RGS22: variants seen among roughly 807,000 people sequenced by gnomAD.
RGS22 encodes the protein regulator of G-protein signaling 22.
Under a neutral mutation model 172.9 loss-of-function variants are expected in RGS22, and 148 were observed. That is an observed-to-expected ratio of 0.86 (90% CI 0.75 to 0.98). The LOEUF is 0.98. Among genes scored for constraint, RGS22 ranks in the 50% least tolerant of loss-of-function variants. RGS22 has a pLI of 0.00. For missense variants in RGS22, 1,347 were observed against 1,440.8 expected (o/e 0.93, Z 1.05); for synonymous variants, 458 against 480.2 (o/e 0.95, Z 0.60).
intron 10 of RGS22, among the ~76,000 whole-genome samples, chr8:100,048,258 G>T (rs2131645732): frequency 6.6e-6 from 1 of 152,178 alleles, no homozygotes; most frequent in East Asian, 1.9e-4. Context: ...TTACAAAAAT[G>T]ATGACACACA....
chr8:100,067,942 C>T (rs1810660260), intron 6 of RGS22, among the ~76,000 whole-genome samples: 1 of 151,860 alleles, frequency 6.6e-6, no homozygotes. Flanking sequence ...AAGAGATGTG[C>T]CAATTGTTTT....
chr8:100,034,448 G>T (rs574600114), intron 14 of RGS22, among the ~76,000 whole-genome samples: 2 of 152,254 alleles, frequency 1.3e-5, no homozygotes, highest in African/African-American at 4.8e-5. Flanking sequence ...ATAAATCACT[G>T]CTCAACGAAA....
rs1388685171 is a variant in RGS22, at chr8:100,051,703, GTATATATAAA to G, written c.1689+1089_1689+1098del. On this transcript the variant is annotated intron_variant, in intron 10 of 27. Transcript: ENST00000360863. ...TATACATATATATATTTATATATACGTATATATAAATATATATTTATATATACGTATATAT... is the reference window on the plus strand; with the variant it reads ...TATACATATATATATTTATATATACGTATATATTTATATATACGTATATAT... 3.0e-4 allele frequency among the ~76,000 whole-genome samples: 6 copies of G among 20,216 alleles called. 2 individuals are homozygous for G. Among genetic ancestry groups the G allele is most frequent in the African/African-American group, 2.6e-3 (6 of 2,270 alleles). 13.3% of individuals were successfully genotyped at this position (20,216 alleles called of 152,430 possible).
At chr8:100,014,458 A>G (rs1588976192) in intron 14 of RGS22, among the ~76,000 whole-genome samples, 5 of 152,188 alleles carry the variant, frequency 3.3e-5, no homozygotes, top group African/African-American at 1.2e-4. Flanking sequence ...TTCCATGCCA[A>G]TGACAATGAA....
chr8:100,024,243 T>C (rs1431900870), intron 14 of RGS22, among the ~76,000 whole-genome samples: 3 of 152,142 alleles, frequency 2.0e-5, no homozygotes. Flanking sequence ...GGATTACAGG[T>C]GTGAGCCACC....
chr8:100,052,680 A>G, intron 10 of RGS22, 122 bp downstream of exon 10: 1 of 889,914 alleles, frequency 1.1e-6, no homozygotes, highest in Non-Finnish European at 1.7e-6. Context: ...TAAATGTTGC[A>G]GCTTGTACAT....
At chr8:99,965,894 T>A (rs981655594) in intron 23 of RGS22, among the ~76,000 whole-genome samples, 3 of 152,186 alleles carry the variant, frequency 2.0e-5, no homozygotes, top group Non-Finnish European at 4.4e-5. Flanking sequence ...AAAGCTGGAA[T>A]GTATTCTGGG....
intron 14 of RGS22, among the ~76,000 whole-genome samples, chr8:100,030,100 A>G (rs988596630): frequency 6.6e-6 from 1 of 152,218 alleles, no homozygotes; most frequent in African/African-American, 2.4e-5. Context: ...GCTGCATAAA[A>G]TTGTTTCAAT....
chr8:100,088,982 T>C (rs1011763584), intron 3 of RGS22, among the ~76,000 whole-genome samples: 1 of 152,070 alleles, frequency 6.6e-6, no homozygotes, highest in Admixed American at 6.6e-5. Context: ...AAGGTTTACT[T>C]GTTTATATTA....
chr8:100,084,740 A>G (rs1563716906), intron 3 of RGS22, among the ~76,000 whole-genome samples: 1 of 152,226 alleles, frequency 6.6e-6, no homozygotes, highest in Non-Finnish European at 1.5e-5. Context: ...AATTCATTTT[A>G]CCAATAGCAA....
chr8:100,060,100 A>T (rs1228896161), intron 9 of RGS22, among the ~76,000 whole-genome samples: 1 of 152,142 alleles, frequency 6.6e-6, no homozygotes, highest in Non-Finnish European at 1.5e-5. Context: ...CAGATCGATC[A>T]CACTCACATG....
chr8:100,042,198 T>C (rs1820212869), intron 11 of RGS22, among the ~76,000 whole-genome samples: 1 of 152,178 alleles, frequency 6.6e-6, no homozygotes, highest in South Asian at 2.1e-4. Context: ...ATAAATATTT[T>C]GAGAGGGCAA....
At chr8:100,028,872 G>A (rs1818462948) in intron 14 of RGS22, among the ~76,000 whole-genome samples, 1 of 152,168 alleles carries the variant, frequency 6.6e-6, no homozygotes, top group South Asian at 2.1e-4. Flanking sequence ...GGCATAACAT[G>A]TGGCTGCTTC....
At chr8:100,047,421 G>A in intron 11 of RGS22, 42 bp downstream of exon 11, 2 of 1,538,412 alleles carry the variant, frequency 1.3e-6, no homozygotes, top group Non-Finnish European at 1.7e-6. Flanking sequence ...AAAACGCTTA[G>A]TATTGCAGAA....
At chr8:100,017,016 T>A (rs1352661770) in intron 14 of RGS22, among the ~76,000 whole-genome samples, 32 of 95,916 alleles carry the variant, frequency 3.3e-4, no homozygotes, top group East Asian at 1.8e-3. Flanking sequence ...TTTTTTTTTT[T>A]AAACAGGGGC....
chr8:100,039,502 G>T (rs1391236024), intron 13 of RGS22, among the ~76,000 whole-genome samples: 1 of 151,200 alleles, frequency 6.6e-6, no homozygotes, highest in South Asian at 2.1e-4. Flanking sequence ...TCAGCCTCCC[G>T]AGTAGCTGGG....
In RGS22 at chr8:100,062,768, T is replaced by C; in HGVS notation, c.1353-16A>G. 6.3e-7 allele frequency: 1 copy of C among 1,581,462 alleles called. No homozygotes were observed. Among genetic ancestry groups the C allele is most frequent in the South Asian group, 1.1e-5 (1 of 87,686 alleles). On this transcript the variant is annotated splice_polypyrimidine_tract_variant and intron_variant, in intron 8 of 27. Transcript: ENST00000360863. The stretch of plus-strand genomic sequence containing the variant: ...CTCAAGATGTCTGAAATAAAACACA[T>C]TTCCATATATACACACACACATTGG...
Position 100,039,977 on chromosome 8 carries a change from C to T in RGS22, c.2049G>A (p.Glu683=), listed in dbSNP as rs1323321364. Residue 683 remains glutamate, a synonymous_variant, in exon 13 of 28, where the codon GAG becomes GAA. Transcript: ENST00000360863. ...TCTTTTCTACCTTGTTCCCTGAATGCTCGCAGAATTTAGTAAAGAAGAATC... is the reference window on the plus strand; with the variant it reads ...TCTTTTCTACCTTGTTCCCTGAATGTTCGCAGAATTTAGTAAAGAAGAATC... ...RAGFFFTKFC[E]HSGNKLWKNS... is the part of the protein sequence containing the mutation. The T allele has an allele frequency of 6.4e-7, 1 of 1,560,338 alleles. No individual in the cohort carries two copies. Among genetic ancestry groups the T allele is most frequent in the South Asian group, 1.2e-5 (1 of 80,864 alleles).
At chr8:100,078,545 T>C (rs976341477) in intron 4 of RGS22, among the ~76,000 whole-genome samples, 1 of 151,992 alleles carries the variant, frequency 6.6e-6, no homozygotes, top group Non-Finnish European at 1.5e-5. Context: ...GTTCTTTGTC[T>C]GTTTTTTCCT....
Sources: gnomAD v4.1 joint callset for allele counts (sites outside exome capture counted in the v4.1 genomes callset) on GRCh38, gnomAD v4.1.1 for gene constraint, MANE v1.5 for transcripts, NCBI Gene and HGNC (gene_info 2026-07-23, HGNC 2026-07-21) for gene names.